The following FNDC3B variants were observed in gnomAD, a reference collection of about 807,000 sequenced individuals.
FNDC3B encodes the protein fibronectin type III domain-containing protein 3B.
FNDC3B carries 12 observed loss-of-function variants against 151.5 expected under a neutral mutation model. The ratio of observed to expected loss-of-function variants is 0.08; its 90% CI spans 0.05 to 0.13. The LOEUF (loss-of-function observed/expected upper bound fraction) is 0.13. Ranked by LOEUF, FNDC3B falls within the 10% of genes least tolerant of loss-of-function variation. The pLI is 1.00. For synonymous variants in FNDC3B, 528 were observed against 549.0 expected (o/e 0.96, Z 0.54); for missense variants, 1,214 against 1,505.3 (o/e 0.81, Z 3.20).
chr3:172,362,482 A>C, intron 22 of FNDC3B, 151 bp from the exon 23 acceptor site: 1 of 663,700 alleles, frequency 1.5e-6, no homozygotes, highest in Non-Finnish European at 2.6e-6. Flanking sequence ...CCGTGCTTCT[A>C]TTTGTCTTGA....
intron 3 of FNDC3B, among the ~76,000 whole-genome samples, chr3:172,142,302 C>A (rs2108587380): frequency 6.6e-6 from 1 of 152,286 alleles, no homozygotes; most frequent in African/African-American, 2.4e-5. Flanking sequence ...TTTTAGATGT[C>A]TTCACGTTTA....
At chr3:172,304,033 G>A (rs1224381776) in intron 9 of FNDC3B, among the ~76,000 whole-genome samples, 1 of 152,132 alleles carries the variant, frequency 6.6e-6, no homozygotes, top group Non-Finnish European at 1.5e-5. Flanking sequence ...AACTCCATCT[G>A]GCCCATACAA....
chr3:172,146,430 G>A (rs1721909786), intron 3 of FNDC3B, among the ~76,000 whole-genome samples: 1 of 152,224 alleles, frequency 6.6e-6, no homozygotes, highest in African/African-American at 2.4e-5. Flanking sequence ...TAGGCTAGTT[G>A]TAGGGAAGTG....
At chr3:172,239,430 C>A (rs1364855552) in intron 4 of FNDC3B, among the ~76,000 whole-genome samples, 1 of 152,210 alleles carries the variant, frequency 6.6e-6, no homozygotes, top group East Asian at 1.9e-4. Context: ...CTGAGCCTGA[C>A]TTTCACAGAC....
intron 10 of FNDC3B, among the ~76,000 whole-genome samples, chr3:172,308,677 A>G (rs373588901): frequency 1.6e-4 from 24 of 152,212 alleles, no homozygotes; most frequent in African/African-American, 5.3e-4. Context: ...CTTGGACAGA[A>G]GCAAAGTTTA....
intron 7 of FNDC3B, 64 bp from the exon 8 acceptor site, chr3:172,295,299 T>C: frequency 6.7e-7 from 1 of 1,485,470 alleles, no homozygotes; most frequent in Non-Finnish European, 9.2e-7. Context: ...TTTATGCCAC[T>C]ACTAATAATT....
At chr3:172,188,394 G>A (rs11928413) in intron 3 of FNDC3B, among the ~76,000 whole-genome samples, 3,291 of 151,238 alleles carry the variant, frequency 0.022, 119 homozygotes, top group African/African-American at 0.077. Context: ...TGGAACTGAA[G>A]TTGGTTTTTT....
chr3:172,317,123 C>T, intron 11 of FNDC3B: 1 of 441,180 alleles, frequency 2.3e-6, no homozygotes. Flanking sequence ...ATCACCTTTT[C>T]AAGGAAAAAA....
At chr3:172,349,635 C>T (rs1042530676) in intron 21 of FNDC3B, among the ~76,000 whole-genome samples, 22 of 151,928 alleles carry the variant, frequency 1.4e-4, no homozygotes, top group African/African-American at 4.8e-4. Context: ...AGTATAGTAT[C>T]AGTGATAATG....
At chr3:172,124,476 C>G (rs1288196557) in intron 2 of FNDC3B, among the ~76,000 whole-genome samples, 1 of 152,174 alleles carries the variant, frequency 6.6e-6, no homozygotes, top group Non-Finnish European at 1.5e-5. Context: ...TGGAGGGGGA[C>G]AGTGACTCAT....
At chr3:172,104,015 T>TA (rs1229589641) in intron 1 of FNDC3B, among the ~76,000 whole-genome samples, 4 of 152,336 alleles carry the variant, frequency 2.6e-5, no homozygotes, top group African/African-American at 9.6e-5. Context: ...GCTGTAAAAT[T>TA]AGATTTTATT....
intron 1 of FNDC3B, among the ~76,000 whole-genome samples, chr3:172,107,443 G>A (rs1576869692): frequency 6.6e-6 from 1 of 152,060 alleles, no homozygotes; most frequent in Non-Finnish European, 1.5e-5. Context: ...TTTCAAGAAT[G>A]GATTCATGAT....
intron 7 of FNDC3B, among the ~76,000 whole-genome samples, chr3:172,287,041 T>C (rs1382403663): frequency 6.6e-6 from 1 of 152,122 alleles, no homozygotes; most frequent in East Asian, 1.9e-4. Context: ...AGATATCAAA[T>C]GTCAAGGATA....
chr3:172,079,694 T>A (rs1718186974), intron 1 of FNDC3B, among the ~76,000 whole-genome samples: 1 of 152,182 alleles, frequency 6.6e-6, no homozygotes, highest in South Asian at 2.1e-4. Flanking sequence ...GGACATTTTT[T>A]AAAGAGAGGT....
chr3:172,208,558 G>C (rs1192097908), intron 3 of FNDC3B, among the ~76,000 whole-genome samples: 2 of 152,178 alleles, frequency 1.3e-5, no homozygotes, highest in African/African-American at 4.8e-5. Context: ...TGGAGTACAT[G>C]TGATATTTTG....
chr3:172,126,838 T>C (rs1272046156), intron 2 of FNDC3B: 6 of 287,928 alleles, frequency 2.1e-5, no homozygotes, highest in East Asian at 1.6e-4. Flanking sequence ...TTGCTGGCTT[T>C]TGTTATGATA....
At chr3:172,181,974 C>T (rs530786105) in intron 3 of FNDC3B, among the ~76,000 whole-genome samples, 1 of 152,142 alleles carries the variant, frequency 6.6e-6, no homozygotes, top group East Asian at 1.9e-4. Context: ...CTTACTTTGG[C>T]CTGAGAATGA....
intron 23 of FNDC3B, among the ~76,000 whole-genome samples, chr3:172,373,230 T>A (rs1365915871): frequency 6.6e-6 from 1 of 152,188 alleles, no homozygotes; most frequent in African/African-American, 2.4e-5. Flanking sequence ...CCATTTCCAG[T>A]TGTTTTCTTC....
Position 172,397,794 on chromosome 3 carries a change from C to T in FNDC3B, c.*319C>T. ...TGTTTTCACTGATGTCTTTTGCAAG[C>T]CTTTGATTTTTTTTTTTTTGTTACA... On this transcript the variant is annotated 3_prime_UTR_variant, in exon 26 of 26. Transcript: ENST00000415807. 1 of 110,102 alleles carries T rather than the reference C, an allele frequency of 9.1e-6. No individual in the cohort carries two copies. The allele number at this position is 110,102 out of a possible 1,614,324, so 6.8% of individuals were successfully genotyped here.
Sources: allele counts gnomAD v4.1 joint callset (sites outside exome capture counted in the v4.1 genomes callset), GRCh38; gene constraint gnomAD v4.1.1; transcripts MANE v1.5; gene names NCBI Gene and HGNC (gene_info 2026-07-23, HGNC 2026-07-21).